The following PRTFDC1 variants were observed in gnomAD, a reference collection of about 807,000 sequenced individuals.
The protein encoded by PRTFDC1 is phosphoribosyl transferase domain containing 1, also known as phosphoribosyltransferase domain-containing protein 1.
A neutral mutation model predicts 34.6 loss-of-function variants in PRTFDC1; 38 were observed. The ratio of observed to expected loss-of-function variants is 1.10; its 90% CI spans 0.85 to 1.44. The LOEUF is 1.44. Ranked by LOEUF, PRTFDC1 falls within the 40% of genes most tolerant of loss-of-function variation. PRTFDC1 has a pLI of 0.00. For missense variants in PRTFDC1, 270 were observed against 283.0 expected, an observed-to-expected ratio of 0.95 and a Z score of 0.33; for synonymous variants, 93 against 98.1, an observed-to-expected ratio of 0.95 and a Z score of 0.31.
intron 3 of PRTFDC1, among the ~76,000 whole-genome samples, chr10:24,924,473 G>A (rs530855330): frequency 6.6e-6 from 1 of 152,106 alleles, no homozygotes; most frequent in South Asian, 2.1e-4. Flanking sequence ...AGACAAATGG[G>A]ATCTAATTAA....
Sources: allele counts gnomAD v4.1 joint callset (sites outside exome capture counted in the v4.1 genomes callset), GRCh38; gene constraint gnomAD v4.1.1; transcripts MANE v1.5; gene names NCBI Gene and HGNC (gene_info 2026-07-23, HGNC 2026-07-21).